NXPE2: variants seen among roughly 807,000 people sequenced by gnomAD.
NXPE2 encodes neurexophilin and PC-esterase domain family member 2.
In NXPE2, 34 loss-of-function variants were observed where a neutral mutation model predicts 34.4. The ratio of observed to expected loss-of-function variants is 0.99; its 90% CI spans 0.75 to 1.31. The LOEUF (loss-of-function observed/expected upper bound fraction) is 1.31. Ranked by LOEUF, NXPE2 falls within the 40% of genes most tolerant of loss-of-function variation. The pLI is 0.00. For synonymous variants in NXPE2, 235 were observed against 231.3 expected (o/e 1.02, Z -0.15); for missense variants, 649 against 672.5 (o/e 0.97, Z 0.39).
chr11:114,515,131 CATT>C, the NXPE2 span, among the ~76,000 whole-genome samples: 2 of 151,998 alleles, frequency 1.3e-5, no homozygotes, highest in South Asian at 2.1e-4. Flanking sequence ...CAGTACTTGT[CATT>C]ATTCTGTTTC....
the NXPE2 span, among the ~76,000 whole-genome samples, chr11:114,761,767 G>C: frequency 1.3e-5 from 2 of 151,348 alleles, no homozygotes; most frequent in Non-Finnish European, 2.9e-5. Flanking sequence ...GTAGAGACGG[G>C]GTTTCACCTT....
chr11:114,787,673 A>G, the NXPE2 span, among the ~76,000 whole-genome samples: 3 of 152,186 alleles, frequency 2.0e-5, no homozygotes. Context: ...AATCCTTTGA[A>G]AAAAAGTTTA....
chr11:114,789,360 GAACTC>G, the NXPE2 span, among the ~76,000 whole-genome samples: 4 of 152,058 alleles, frequency 2.6e-5, no homozygotes, highest in Admixed American at 2.0e-4. Context: ...ATAAAAATAT[GAACTC>G]AAACCATATG....
chr11:114,800,796 C>T, the NXPE2 span, among the ~76,000 whole-genome samples: 1 of 122,170 alleles, frequency 8.2e-6, no homozygotes, highest in East Asian at 2.2e-4. Context: ...AGATACCCAC[C>T]TCACAGGATT....
the NXPE2 span, among the ~76,000 whole-genome samples, chr11:114,784,696 G>A: frequency 2.6e-5 from 4 of 152,100 alleles, no homozygotes; most frequent in African/African-American, 9.7e-5. Context: ...CTCTCTCTTC[G>A]AGAGCATTTG....
the NXPE2 span, among the ~76,000 whole-genome samples, chr11:114,799,332 A>G: frequency 6.6e-6 from 1 of 150,416 alleles, no homozygotes; most frequent in East Asian, 1.9e-4. Context: ...GCATCAGTTA[A>G]GACTGCTGGG....
At chr11:114,465,895 A>G in the NXPE2 span, among the ~76,000 whole-genome samples, 1 of 152,212 alleles carries the variant, frequency 6.6e-6, no homozygotes, top group African/African-American at 2.4e-5. Context: ...AATGTTTATT[A>G]TTGTTTTGTT....
chr11:114,568,978 TA>T, the NXPE2 span, among the ~76,000 whole-genome samples: 80 of 151,680 alleles, frequency 5.3e-4, no homozygotes, highest in African/African-American at 1.9e-3. Context: ...GGTAGGGATT[TA>T]AAAAAAAATG....
chr11:114,740,921 C>G, the NXPE2 span, among the ~76,000 whole-genome samples: 16 of 152,202 alleles, frequency 1.1e-4, no homozygotes, highest in East Asian at 2.9e-3. Flanking sequence ...CAAATAATGA[C>G]ATTGTCTCTT....
At chr11:114,743,813 G>C in the NXPE2 span, among the ~76,000 whole-genome samples, 79,668 of 150,976 alleles carry the variant, frequency 0.53, 22,027 homozygotes, top group Middle Eastern at 0.65. Context: ...GTGTGTATGT[G>C]TGTGTATATA....
the NXPE2 span, chr11:114,528,763 C>T: frequency 6.4e-6 from 4 of 625,594 alleles, no homozygotes; most frequent in Non-Finnish European, 1.2e-5. Context: ...GAATGAGGAC[C>T]CAGGTGCCAA....
Position 114,699,176 on chromosome 11 carries a change from C to A in NXPE2, c.866+398C>A, listed in dbSNP as rs1447397325. On this transcript the variant is annotated intron_variant, in intron 3 of 5. Coordinates refer to ENST00000389586, the MANE Select transcript of NXPE2 (RefSeq NM_182495.6). ...TCAGTCGAGCTTTACCCCTTACATC[C>A]AGTGAATCATCAAGCTCTATACATT... Among the ~76,000 whole-genome samples the A allele has an allele frequency of 2.0e-5, 3 of 152,084 alleles. No individual in the cohort carries two copies. In the East Asian group the frequency reaches 5.8e-4, roughly 29 times the overall value.
chr11:114,765,553 T>C, the NXPE2 span, among the ~76,000 whole-genome samples: 1 of 152,198 alleles, frequency 6.6e-6, no homozygotes, highest in Non-Finnish European at 1.5e-5. Context: ...TGTGATTTTT[T>C]TGTTTTATTG....
intron 2 of NXPE2, among the ~76,000 whole-genome samples, chr11:114,693,277 A>G (rs928435900): frequency 6.6e-6 from 1 of 152,200 alleles, no homozygotes; most frequent in Non-Finnish European, 1.5e-5. Context: ...TGGAGGACAA[A>G]TAATGGACAC....
chr11:114,784,188 C>T, the NXPE2 span, among the ~76,000 whole-genome samples: 1 of 152,218 alleles, frequency 6.6e-6, no homozygotes, highest in East Asian at 1.9e-4. Flanking sequence ...CACTGTCCCA[C>T]AAGTTTCTTG....
At chr11:114,619,348 T>C in the NXPE2 span, among the ~76,000 whole-genome samples, 603 of 152,182 alleles carry the variant, frequency 4.0e-3, 5 homozygotes, top group African/African-American at 0.013. Context: ...GTGTAACCAC[T>C]GTTACCCGGT....
the NXPE2 span, among the ~76,000 whole-genome samples, chr11:114,493,585 T>C: frequency 6.6e-6 from 1 of 152,200 alleles, no homozygotes; most frequent in Admixed American, 6.5e-5. Context: ...AACAACAAAA[T>C]AACAAGCCAA....
the NXPE2 span, among the ~76,000 whole-genome samples, chr11:114,639,854 ATATATTATATTT>A: frequency 1.5e-3 from 134 of 90,486 alleles, no homozygotes; most frequent in East Asian, 6.6e-3. Context: ...AAAATATAAT[ATATATTATATTT>A]TATATTAAAT....
the NXPE2 span, among the ~76,000 whole-genome samples, chr11:114,573,200 A>C: frequency 1.1e-3 from 171 of 152,162 alleles, no homozygotes; most frequent in Non-Finnish European, 1.8e-3. Context: ...TAACTACTAA[A>C]AGGAGCTCTA....
Sources: allele counts gnomAD v4.1 joint callset (sites outside exome capture counted in the v4.1 genomes callset), GRCh38; gene constraint gnomAD v4.1.1; transcripts MANE v1.5; gene names NCBI Gene and HGNC (gene_info 2026-07-23, HGNC 2026-07-21).